SYN3: variants seen among roughly 807,000 people sequenced by gnomAD.
SYN3 encodes synapsin III.
In SYN3, 35 loss-of-function variants were observed where a neutral mutation model predicts 65.8. The observed-to-expected ratio is 0.53, with a 90% CI of 0.41 to 0.70. The LOEUF (loss-of-function observed/expected upper bound fraction) is 0.70, where lower values mean the gene tolerates loss of function less well. SYN3 is among the 30% of genes least tolerant of loss of function. The pLI is 0.00. For missense variants in SYN3, 680 were observed against 749.0 expected, an observed-to-expected ratio of 0.91 and a Z score of 1.08; for synonymous variants, 270 against 292.9, an observed-to-expected ratio of 0.92 and a Z score of 0.80.
Position 32,753,882 on chromosome 22 carries a change from G to A in SYN3, c.711+111033C>T, listed in dbSNP as rs999233574. ...GAGAGAGCCAGGGGCCTGCTCTCAC[G>A]GAGCTCACGTGCTTGTGTGGAATTC... On this transcript the variant is annotated intron_variant, in intron 6 of 13. Coordinates refer to ENST00000358763, the MANE Select transcript of SYN3 (RefSeq NM_003490.4). Among the ~76,000 whole-genome samples, 6 of 152,184 alleles carry A rather than the reference G, an allele frequency of 3.9e-5. No individual in the cohort carries two copies. The South Asian group carries it at 1.0e-3, about 26-fold the overall frequency.
intron 4 of SYN3, among the ~76,000 whole-genome samples, chr22:32,872,246 A>G (rs1048543944): frequency 6.6e-5 from 10 of 152,246 alleles, no homozygotes; most frequent in African/African-American, 2.2e-4. Context: ...ATAGGCCTCA[A>G]AACTGTTTTT....
intron 7 of SYN3, among the ~76,000 whole-genome samples, chr22:32,553,647 A>G (rs2058448685): frequency 6.6e-6 from 1 of 152,128 alleles, no homozygotes; most frequent in African/African-American, 2.4e-5. Context: ...GTTGCTGGAG[A>G]TTAGGGAAGT....
intron 1 of SYN3, among the ~76,000 whole-genome samples, chr22:33,035,357 C>T (rs1289609699): frequency 8.0e-6 from 1 of 124,300 alleles, no homozygotes; most frequent in African/African-American, 3.2e-5. Flanking sequence ...CACCAAACTT[C>T]TTATGCAAAA....
At chr22:32,650,258 C>CCTCT (rs142803609) in intron 6 of SYN3, among the ~76,000 whole-genome samples, 28 of 86,258 alleles carry the variant, frequency 3.2e-4, no homozygotes, top group East Asian at 3.1e-3. Flanking sequence ...TCCCTCCCTC[C>CCTCT]CTCTCTCTCT....
At chr22:33,045,040 TC>T (rs1399876785) in intron 1 of SYN3, among the ~76,000 whole-genome samples, 3 of 152,190 alleles carry the variant, frequency 2.0e-5, no homozygotes, top group Middle Eastern at 6.8e-3. Flanking sequence ...ACAGGGTTTC[TC>T]CATGTTGGTC....
intron 6 of SYN3, among the ~76,000 whole-genome samples, chr22:32,752,860 G>A (rs12157560): frequency 0.14 from 20,915 of 152,086 alleles, 1,510 homozygotes; most frequent in Admixed American, 0.17. Context: ...ATGGGGGGCC[G>A]GCTTCTCTGG....
intron 6 of SYN3, among the ~76,000 whole-genome samples, chr22:32,634,019 G>T (rs1156937700): frequency 6.6e-6 from 1 of 152,154 alleles, no homozygotes; most frequent in Non-Finnish European, 1.5e-5. Flanking sequence ...GACTGCCACT[G>T]GGACAGAGGG....
At chr22:32,868,085 T>C (rs1227879980) in intron 5 of SYN3, among the ~76,000 whole-genome samples, 2 of 152,122 alleles carry the variant, frequency 1.3e-5, no homozygotes, top group Non-Finnish European at 2.9e-5. Context: ...CTCTGTAAAA[T>C]GAAGGGTTGA....
At chr22:33,052,584 A>G (rs111916878) in intron 1 of SYN3, among the ~76,000 whole-genome samples, 38 of 118,732 alleles carry the variant, frequency 3.2e-4, no homozygotes, top group Middle Eastern at 3.9e-3. Context: ...GAAGAGGAAC[A>G]AAAAAAAAAA....
intron 6 of SYN3, among the ~76,000 whole-genome samples, chr22:32,741,425 A>G (rs925984218): frequency 2.2e-5 from 3 of 137,458 alleles, no homozygotes; most frequent in African/African-American, 8.3e-5. Flanking sequence ...GCGTGATCTC[A>G]GCTCACTGCA....
chr22:32,766,752 C>G (rs920700316), intron 6 of SYN3, among the ~76,000 whole-genome samples: 4 of 152,180 alleles, frequency 2.6e-5, no homozygotes, highest in Admixed American at 2.6e-4. Flanking sequence ...CATCCTTCCT[C>G]TAAATAAATA....
intron 3 of SYN3, among the ~76,000 whole-genome samples, chr22:32,956,031 A>ATT (rs2051442925): frequency 1.3e-5 from 1 of 78,868 alleles, no homozygotes; most frequent in African/African-American, 7.5e-5. Flanking sequence ...AATACTACTT[A>ATT]ATAAATTCAC....
At chr22:33,028,694 G>C (rs866850718) in intron 1 of SYN3, among the ~76,000 whole-genome samples, 1 of 131,226 alleles carries the variant, frequency 7.6e-6, no homozygotes, top group African/African-American at 2.9e-5. Flanking sequence ...GGTGGTGATG[G>C]TGGTGGTGGT....
chr22:32,758,999 T>C (rs2045376160), intron 6 of SYN3, among the ~76,000 whole-genome samples: 2 of 151,510 alleles, frequency 1.3e-5, no homozygotes, highest in Non-Finnish European at 2.9e-5. Flanking sequence ...CAAGGGAGGG[T>C]CCTGTCCCCA....
chr22:33,046,841 TAAAAA>T (rs71187229), intron 1 of SYN3, among the ~76,000 whole-genome samples: 2 of 92,766 alleles, frequency 2.2e-5, no homozygotes, highest in African/African-American at 4.2e-5. Context: ...AGTCTCTGTT[TAAAAA>T]AAAAAAAAAA....
At chr22:32,791,680 G>A (rs1017350314) in intron 6 of SYN3, among the ~76,000 whole-genome samples, 2 of 151,540 alleles carry the variant, frequency 1.3e-5, no homozygotes, top group Non-Finnish European at 2.9e-5. Context: ...GCATACTGGC[G>A]ATGTAATCTT....
chr22:32,757,892 G>A (rs1033257328), intron 6 of SYN3, among the ~76,000 whole-genome samples: 1 of 152,194 alleles, frequency 6.6e-6, no homozygotes, highest in African/African-American at 2.4e-5. Flanking sequence ...GACCTGCTGA[G>A]ATGCTTGCTG....
At chr22:32,541,238 A>G (rs1426607655) in intron 8 of SYN3, among the ~76,000 whole-genome samples, 3 of 152,016 alleles carry the variant, frequency 2.0e-5, no homozygotes, top group Non-Finnish European at 4.4e-5. Context: ...ATACTCCAAA[A>G]CCCTCAGCAA....
At chr22:32,791,250 C>T (rs1371930709) in intron 6 of SYN3, among the ~76,000 whole-genome samples, 1 of 152,206 alleles carries the variant, frequency 6.6e-6, no homozygotes, top group Non-Finnish European at 1.5e-5. Context: ...TTGATCTTTG[C>T]AGCTGCCTCT....
Sources: allele counts gnomAD v4.1 joint callset (sites outside exome capture counted in the v4.1 genomes callset), GRCh38; gene constraint gnomAD v4.1.1; transcripts MANE v1.5; gene names NCBI Gene and HGNC (gene_info 2026-07-23, HGNC 2026-07-21).